The following SHOC1 variants were observed in gnomAD, a reference collection of about 807,000 sequenced individuals.
SHOC1 encodes protein shortage in chiasmata 1 ortholog.
A neutral mutation model predicts 179.2 loss-of-function variants in SHOC1; 136 were observed. That is an observed-to-expected ratio of 0.76 (90% CI 0.66 to 0.87). The LOEUF (loss-of-function observed/expected upper bound fraction) is 0.87, where lower values mean the gene tolerates loss of function less well. SHOC1 is among the 40% of genes least tolerant of loss of function. SHOC1 has a pLI of 0.00. For synonymous variants in SHOC1, 489 were observed against 586.6 expected (o/e 0.83, Z 2.41); for missense variants, 1,538 against 1,700.8 (o/e 0.90, Z 1.68).
chr9:111,721,503 C>A (rs554173324), intron 15 of SHOC1, among the ~76,000 whole-genome samples: 1 of 152,230 alleles, frequency 6.6e-6, no homozygotes, highest in East Asian at 1.9e-4. Context: ...CCACACCAGG[C>A]TAATTATTGC....
At chr9:111,761,127 G>A (rs762742206) in intron 5 of SHOC1, among the ~76,000 whole-genome samples, 1 of 152,122 alleles carries the variant, frequency 6.6e-6, no homozygotes, top group Non-Finnish European at 1.5e-5. Context: ...TTTCATAAAT[G>A]ATATTGGGGC....
At chr9:111,713,570 C>T (rs532196517) in intron 17 of SHOC1, among the ~76,000 whole-genome samples, 10 of 152,048 alleles carry the variant, frequency 6.6e-5, no homozygotes, top group South Asian at 2.1e-4. Flanking sequence ...AAATCAGTTT[C>T]GATTTAAAAT....
intron 24 of SHOC1, among the ~76,000 whole-genome samples, chr9:111,697,740 A>G (rs1381587340): frequency 6.6e-6 from 1 of 152,156 alleles, no homozygotes; most frequent in Admixed American, 6.5e-5. Flanking sequence ...TGGTATTTCT[A>G]GTTCTAGATC....
In SHOC1 at chr9:111,758,518, G is replaced by A. The variant is rs534872749; in HGVS notation, c.596+177C>T. 7.2e-5 allele frequency among the ~76,000 whole-genome samples: 11 copies of A among 152,350 alleles called. No individual in the cohort carries two copies. In the East Asian group the frequency reaches 1.2e-3, roughly 16 times the overall value. The stretch of plus-strand genomic sequence containing the variant: ...GCAGGAGAATCGCATGTGCCCAGGA[G>A]GCGGAGGTTGCAGTGAGCCGAGATT... On this transcript the variant is annotated intron_variant, in intron 6 of 27. Transcript: ENST00000682961.
intron 8 of SHOC1, among the ~76,000 whole-genome samples, chr9:111,750,598 G>A (rs1172933196): frequency 8.5e-5 from 13 of 152,214 alleles, no homozygotes; most frequent in Non-Finnish European, 1.8e-4. Flanking sequence ...GCCTCCCAAA[G>A]TGCTGGGATT....
chr9:111,757,961 C>T (rs1015542242), intron 7 of SHOC1, 123 bp downstream of exon 7: 1 of 552,990 alleles, frequency 1.8e-6, no homozygotes, highest in African/African-American at 2.0e-5. Context: ...TTAATTGATA[C>T]ATGTTCATTC....
intron 20 of SHOC1, among the ~76,000 whole-genome samples, chr9:111,705,628 T>C (rs538233133): frequency 2.6e-5 from 4 of 152,132 alleles, no homozygotes; most frequent in Admixed American, 2.0e-4. Flanking sequence ...TTTTTCAGTA[T>C]ATTTTCTTGC....
chr9:111,746,147 T>C (rs1834267417), intron 10 of SHOC1, 87 bp downstream of exon 10: 1 of 803,964 alleles, frequency 1.2e-6, no homozygotes, highest in Non-Finnish European at 2.0e-6. Context: ...TAGAGGTATC[T>C]TGGAAATTGC....
chr9:111,753,013 G>A (rs10981052), intron 8 of SHOC1, among the ~76,000 whole-genome samples: 28,638 of 152,018 alleles, frequency 0.19, 2,888 homozygotes, highest in Non-Finnish European at 0.22. Context: ...AGGAGTTCAA[G>A]ACCAGCCTGA....
chr9:111,728,419 AG>A, intron 12 of SHOC1, among the ~76,000 whole-genome samples: 2 of 152,342 alleles, frequency 1.3e-5, no homozygotes, highest in Middle Eastern at 3.4e-3. Context: ...TAACTGACAA[AG>A]GACTGTATCC....
chr9:111,746,726 T>A (rs890563985), intron 9 of SHOC1, among the ~76,000 whole-genome samples: 1 of 152,250 alleles, frequency 6.6e-6, no homozygotes, highest in East Asian at 1.9e-4. Flanking sequence ...TAAGCAACTA[T>A]TATGTTTGGT....
chr9:111,721,577 T>G (rs1041676346), intron 15 of SHOC1, among the ~76,000 whole-genome samples: 1 of 152,176 alleles, frequency 6.6e-6, no homozygotes, highest in Non-Finnish European at 1.5e-5. Flanking sequence ...TGACCTCAGA[T>G]GATCCACCCG....
chr9:111,716,070 T>C (rs1487662647), intron 16 of SHOC1, among the ~76,000 whole-genome samples: 1 of 151,962 alleles, frequency 6.6e-6, no homozygotes, highest in Non-Finnish European at 1.5e-5. Flanking sequence ...TTTCAAGAGG[T>C]ATAGAGGAAA....
intron 10 of SHOC1, among the ~76,000 whole-genome samples, chr9:111,743,731 G>T (rs1263335978): frequency 6.6e-6 from 1 of 152,106 alleles, no homozygotes; most frequent in Admixed American, 6.6e-5. Context: ...ATGAATATAT[G>T]AGAAAAAACA....
rs144344201 is a variant in SHOC1, at chr9:111,772,561, A to G, written c.442+3230T>C. Among the ~76,000 whole-genome samples the G allele has an allele frequency of 1.9e-3, 290 of 152,152 alleles. 2 individuals are homozygous for G. Among genetic ancestry groups the G allele is most frequent in the Middle Eastern group, 0.01 (3 of 294 alleles). ...TTCAACTTGTCTTGGTTTTTATTGG[A>G]TATATTTTCTTAGCAAATCTTCACT... On this transcript the variant is annotated intron_variant, in intron 5 of 27. Coordinates refer to ENST00000682961, the MANE Select transcript of SHOC1 (RefSeq NM_001378211.1).
At chr9:111,719,432 T>C (rs1021003563) in intron 15 of SHOC1, among the ~76,000 whole-genome samples, 6 of 152,214 alleles carry the variant, frequency 3.9e-5, no homozygotes, top group African/African-American at 1.4e-4. Context: ...TACATAGTTA[T>C]GCTGTATATT....
intron 8 of SHOC1, among the ~76,000 whole-genome samples, chr9:111,749,307 T>A (rs1339861990): frequency 6.6e-6 from 1 of 152,188 alleles, no homozygotes; most frequent in Non-Finnish European, 1.5e-5. Context: ...TTATATTTGC[T>A]TTTTAAATTT....
chr9:111,792,521 G>A (rs931346396), intron 1 of SHOC1, among the ~76,000 whole-genome samples: 5 of 152,120 alleles, frequency 3.3e-5, no homozygotes. Context: ...AGAATTGCTT[G>A]AGCCTGGGAG....
chr9:111,766,628 T>C (rs1454483457), intron 5 of SHOC1, among the ~76,000 whole-genome samples: 2 of 152,160 alleles, frequency 1.3e-5, no homozygotes, highest in South Asian at 2.1e-4. Flanking sequence ...TTTTTGTTTT[T>C]GAAATGGAGT....
Sources: gnomAD v4.1 joint callset for allele counts (sites outside exome capture counted in the v4.1 genomes callset) on GRCh38, gnomAD v4.1.1 for gene constraint, MANE v1.5 for transcripts, NCBI Gene and HGNC (gene_info 2026-07-23, HGNC 2026-07-21) for gene names.